Variants in MLLT10 observed in about 807,000 individuals in gnomAD.
MLLT10 encodes MLLT10 histone lysine methyltransferase DOT1L cofactor, also known as protein AF-10.
In MLLT10, 30 loss-of-function variants were observed where a neutral mutation model predicts 129.1. The ratio of observed to expected loss-of-function variants is 0.23; its 90% CI spans 0.17 to 0.32. MLLT10 has a LOEUF of 0.32. MLLT10 is among the 10% of genes least tolerant of loss of function. The pLI, the probability that MLLT10 is intolerant of heterozygous loss-of-function variation, is 1.00. For synonymous variants in MLLT10, 490 were observed against 446.4 expected (o/e 1.10, Z -1.23); for missense variants, 1,119 against 1,268.3 (o/e 0.88, Z 1.79).
chr10:21,553,585 C>T (rs1428746436), intron 3 of MLLT10, among the ~76,000 whole-genome samples: 1 of 151,970 alleles, frequency 6.6e-6, no homozygotes, highest in East Asian at 1.9e-4. Context: ...CCTCAGCCTC[C>T]TAAAGAGTTG....
At chr10:21,666,959 T>G (rs1384025831) in intron 9 of MLLT10, among the ~76,000 whole-genome samples, 2 of 152,222 alleles carry the variant, frequency 1.3e-5, no homozygotes, top group Non-Finnish European at 2.9e-5. Flanking sequence ...TATTCACATT[T>G]CATTTATTAT....
chr10:21,717,509 C>T (rs1407108684), intron 14 of MLLT10, among the ~76,000 whole-genome samples: 10 of 86,292 alleles, frequency 1.2e-4, no homozygotes, highest in South Asian at 1.1e-3. Flanking sequence ...CCTCCTCCTC[C>T]TCCTCCACCA....
chr10:21,708,275 A>G (rs2055726713), intron 13 of MLLT10, among the ~76,000 whole-genome samples: 1 of 152,216 alleles, frequency 6.6e-6, no homozygotes, highest in African/African-American at 2.4e-5. Context: ...TCCTGAACAG[A>G]TGAATTTCAG....
At chr10:21,566,558 C>T (rs1355048984) in intron 3 of MLLT10, among the ~76,000 whole-genome samples, 1 of 151,912 alleles carries the variant, frequency 6.6e-6, no homozygotes, top group Non-Finnish European at 1.5e-5. Flanking sequence ...GAACTCCCGG[C>T]CTTAGGTGAT....
chr10:21,621,719 C>T (rs2045883126), intron 8 of MLLT10, among the ~76,000 whole-genome samples: 1 of 148,856 alleles, frequency 6.7e-6, no homozygotes, highest in African/African-American at 2.5e-5. Flanking sequence ...TGCCCATGGG[C>T]GTAAAGGAGA....
chr10:21,701,925 C>T (rs1305657531), intron 13 of MLLT10, among the ~76,000 whole-genome samples: 2 of 150,130 alleles, frequency 1.3e-5, no homozygotes, highest in African/African-American at 2.5e-5. Flanking sequence ...CGTCTCGTCT[C>T]GTCTCGTCTC....
At chr10:21,690,621 C>G (rs1460171686) in intron 13 of MLLT10, among the ~76,000 whole-genome samples, 2 of 151,846 alleles carry the variant, frequency 1.3e-5, no homozygotes, top group African/African-American at 4.8e-5. Flanking sequence ...GAGAAGTGAT[C>G]TCTTTCCTCT....
At chr10:21,658,664 A>G (rs773979032) in intron 9 of MLLT10, among the ~76,000 whole-genome samples, 11 of 152,030 alleles carry the variant, frequency 7.2e-5, no homozygotes, top group Non-Finnish European at 1.2e-4. Context: ...CATGGTAGGT[A>G]TATGCTTTTT....
In MLLT10 at chr10:21,626,057, G is replaced by C. The variant is rs964903806; in HGVS notation, c.699+8850G>C. Reference sequence around the variant, plus strand: ...AGTATAATCATTTCTCTCAAGCAAGGCCTTGATCTTCACTTCATCAGGTCC... The same window carrying C: ...AGTATAATCATTTCTCTCAAGCAAGCCCTTGATCTTCACTTCATCAGGTCC... On this transcript the variant is annotated intron_variant, in intron 8 of 22. Transcript: ENST00000307729. 3.4e-6 allele frequency: 5 copies of C among 1,450,860 alleles called. No homozygotes were observed. The African/African-American group carries it at 5.6e-5, about 16-fold the overall frequency. 89.9% of individuals were successfully genotyped at this position (1,450,860 alleles called of 1,614,324 possible). A position where few individuals can be genotyped will look rare whatever the true frequency, so the allele number is the denominator to read the frequency against.
intron 5 of MLLT10, chr10:21,595,659 G>T: frequency 2.4e-6 from 1 of 424,586 alleles, no homozygotes; most frequent in Non-Finnish European, 4.2e-6. Context: ...AGTAACCTAG[G>T]TATTTAGTAT....
At chr10:21,570,593 CTG>C (rs1367163915) in intron 3 of MLLT10, among the ~76,000 whole-genome samples, 3 of 140,022 alleles carry the variant, frequency 2.1e-5, no homozygotes, top group South Asian at 4.4e-4. Flanking sequence ...TTTTTTTTTT[CTG>C]TGTTTCATTT....
chr10:21,581,558 T>C (rs944846534), intron 3 of MLLT10, among the ~76,000 whole-genome samples: 1 of 151,596 alleles, frequency 6.6e-6, no homozygotes, highest in African/African-American at 2.4e-5. Flanking sequence ...CCCACTGAAA[T>C]CTCATCTCGA....
chr10:21,735,265 T>C (rs1253159510), intron 21 of MLLT10, 30 bp downstream of exon 21: 2 of 1,489,658 alleles, frequency 1.3e-6, no homozygotes, highest in South Asian at 2.3e-5. Flanking sequence ...AATATCTTAT[T>C]AGGAGCATGT....
intron 5 of MLLT10, among the ~76,000 whole-genome samples, chr10:21,609,322 T>C (rs929886568): frequency 3.3e-5 from 5 of 152,204 alleles, no homozygotes; most frequent in African/African-American, 1.2e-4. Context: ...GGGTGTACAA[T>C]TGAGCTTATG....
At chr10:21,646,392 T>G (rs556455383) in intron 8 of MLLT10, among the ~76,000 whole-genome samples, 153 of 152,294 alleles carry the variant, frequency 1.0e-3, no homozygotes, top group African/African-American at 3.6e-3. Context: ...TTTCTCTCCC[T>G]TTTGTTTCTG....
intron 5 of MLLT10, among the ~76,000 whole-genome samples, chr10:21,598,515 T>C (rs1186007490): frequency 6.6e-6 from 1 of 152,162 alleles, no homozygotes; most frequent in Non-Finnish European, 1.5e-5. Flanking sequence ...CTAGGAAATG[T>C]GTGTTTGTGT....
intron 8 of MLLT10, among the ~76,000 whole-genome samples, chr10:21,637,062 A>G (rs1253766894): frequency 6.6e-6 from 1 of 152,212 alleles, no homozygotes; most frequent in Non-Finnish European, 1.5e-5. Flanking sequence ...TTCAAAAAGG[A>G]TGCACTTAAT....
At chr10:21,592,844 G>A (rs538895205) in intron 4 of MLLT10, among the ~76,000 whole-genome samples, 1 of 152,156 alleles carries the variant, frequency 6.6e-6, no homozygotes, top group Admixed American at 6.5e-5. Context: ...AGTGGCTTTG[G>A]GTCTTCTGTT....
intron 8 of MLLT10, chr10:21,625,975 G>A (rs2046389582): frequency 3.5e-6 from 3 of 864,572 alleles, no homozygotes; most frequent in Non-Finnish European, 6.1e-6. Flanking sequence ...GCACACCAGA[G>A]TACACACTGT....
Sources: allele counts gnomAD v4.1 joint callset (sites outside exome capture counted in the v4.1 genomes callset), GRCh38; gene constraint gnomAD v4.1.1; transcripts MANE v1.5; gene names NCBI Gene and HGNC (gene_info 2026-07-23, HGNC 2026-07-21).